NALF1: variants seen among roughly 807,000 people sequenced by gnomAD.
NALF1 encodes the protein family with sequence similarity 155 member A.
Under a neutral mutation model 48.4 loss-of-function variants are expected in NALF1, and 3 were observed. The observed-to-expected ratio is 0.06, with a 90% confidence interval of 0.03 to 0.16. NALF1 has a LOEUF of 0.16. NALF1 is among the 10% of genes least tolerant of loss of function. The pLI, the probability that NALF1 is intolerant of heterozygous loss-of-function variation, is 1.00. For missense variants in NALF1, 526 were observed against 571.5 expected (o/e 0.92, Z 0.81); for synonymous variants, 262 against 245.7 (o/e 1.07, Z -0.62).
intron 1 of NALF1, among the ~76,000 whole-genome samples, chr13:107,475,112 G>A (rs1290205825): frequency 6.6e-6 from 1 of 152,184 alleles, no homozygotes; most frequent in East Asian, 1.9e-4. Context: ...TTTGAGAGAA[G>A]AGGCCAGAAG....
intron 1 of NALF1, among the ~76,000 whole-genome samples, chr13:107,384,061 C>T (rs1012992575): frequency 2.0e-5 from 3 of 152,160 alleles, no homozygotes; most frequent in Middle Eastern, 3.4e-3. Context: ...TCAGCCTGGA[C>T]AACAATGCAA....
At chr13:107,726,086 TTC>T (rs1876141237) in intron 1 of NALF1, among the ~76,000 whole-genome samples, 1 of 152,162 alleles carries the variant, frequency 6.6e-6, no homozygotes. Flanking sequence ...TATGACCTAT[TTC>T]TCTGTCATCT....
At chr13:107,736,025 C>G (rs1876457111) in intron 1 of NALF1, among the ~76,000 whole-genome samples, 1 of 152,026 alleles carries the variant, frequency 6.6e-6, no homozygotes, top group South Asian at 2.1e-4. Context: ...ATATTCCTTG[C>G]TAGACTATAA....
intron 1 of NALF1, among the ~76,000 whole-genome samples, chr13:107,356,619 A>AAAT (rs146105050): frequency 0.19 from 29,642 of 152,032 alleles, 3,107 homozygotes; most frequent in East Asian, 0.41. Flanking sequence ...CATTCTCAAG[A>AAAT]AATGTGATAT....
chr13:107,536,850 C>T (rs946639534), intron 1 of NALF1, among the ~76,000 whole-genome samples: 1 of 152,116 alleles, frequency 6.6e-6, no homozygotes, highest in Non-Finnish European at 1.5e-5. Context: ...CAGTGATAGA[C>T]TGGATTAAGA....
intron 1 of NALF1, among the ~76,000 whole-genome samples, chr13:107,816,756 CTTAAA>C (rs1480693588): frequency 7.9e-5 from 12 of 152,000 alleles, no homozygotes; most frequent in Admixed American, 2.0e-4. Context: ...AAAAAAAAAC[CTTAAA>C]TTAAACGTAC....
At chr13:107,565,372 G>C (rs4772888) in intron 1 of NALF1, among the ~76,000 whole-genome samples, 1 of 114,096 alleles carries the variant, frequency 8.8e-6, no homozygotes, top group Non-Finnish European at 1.8e-5. Flanking sequence ...GTGGCAGAGC[G>C]AGACCTTATC....
intron 1 of NALF1, among the ~76,000 whole-genome samples, chr13:107,613,002 GA>G (rs5806669): frequency 6.8e-4 from 91 of 132,868 alleles, no homozygotes; most frequent in African/African-American, 8.9e-4. Context: ...CCCACAATGA[GA>G]AAAAAAAAAA....
intron 1 of NALF1, among the ~76,000 whole-genome samples, chr13:107,517,780 C>T (rs775292593): frequency 6.6e-6 from 1 of 152,090 alleles, no homozygotes; most frequent in Non-Finnish European, 1.5e-5. Flanking sequence ...TGTGGCGAAA[C>T]CCTATCTCTA....
intron 1 of NALF1, among the ~76,000 whole-genome samples, chr13:107,508,206 A>G (rs1036085738): frequency 9.9e-5 from 15 of 152,088 alleles, no homozygotes; most frequent in African/African-American, 3.1e-4. Context: ...TTTAAAAGCA[A>G]TGTTTCAGCT....
intron 1 of NALF1, among the ~76,000 whole-genome samples, chr13:107,719,377 T>G (rs1875918464): frequency 6.6e-6 from 1 of 152,210 alleles, no homozygotes; most frequent in Non-Finnish European, 1.5e-5. Context: ...ATGTAATCTC[T>G]CTAAAGTCTC....
chr13:107,724,573 C>G lies in NALF1; in HGVS notation c.915+141109G>C, dbSNP rs563295638. Among the ~76,000 whole-genome samples, 8 of 136,538 alleles carry G rather than the reference C, an allele frequency of 5.9e-5. 1 individual carries two copies. Among genetic ancestry groups the G allele is most frequent in the Admixed American group, 3.7e-4 (5 of 13,692 alleles). 89.6% of individuals were successfully genotyped at this position (136,538 alleles called of 152,430 possible). On this transcript the variant is annotated intron_variant, in intron 1 of 2. Transcript: ENST00000375915. ...CTCCCTCCCTTCCTTTTACTTTGCTCGTTTTTGAGACAGGGTCTCACTCTG... is the reference window on the plus strand; with the variant it reads ...CTCCCTCCCTTCCTTTTACTTTGCTGGTTTTTGAGACAGGGTCTCACTCTG...
At chr13:107,854,328 C>T (rs1359750873) in intron 1 of NALF1, among the ~76,000 whole-genome samples, 2 of 152,196 alleles carry the variant, frequency 1.3e-5, no homozygotes, top group Admixed American at 6.5e-5. Context: ...TCTTTTTTCT[C>T]GCTATTTCAC....
rs536106261 is a variant in NALF1, at chr13:107,791,304, T to A, written c.915+74378A>T. Among the ~76,000 whole-genome samples, 96 of 152,246 alleles carry A rather than the reference T, an allele frequency of 6.3e-4. 1 individual carries two copies. The highest frequency in any genetic ancestry group is 2.2e-3 in the African/African-American group (93 of 41,560). On this transcript the variant is annotated intron_variant, in intron 1 of 2. Transcript: ENST00000375915. ...GCAAAATTAAAAGTATCATCTACAGTACAATCCTGATTTTTCAAAAAGACA... is the reference window on the plus strand; with the variant it reads ...GCAAAATTAAAAGTATCATCTACAGAACAATCCTGATTTTTCAAAAAGACA...
At chr13:107,856,954 C>G (rs563563305) in intron 1 of NALF1, among the ~76,000 whole-genome samples, 1 of 152,228 alleles carries the variant, frequency 6.6e-6, no homozygotes, top group Non-Finnish European at 1.5e-5. Flanking sequence ...GAGCAGAGAT[C>G]TTCTTGCCAA....
At chr13:107,551,497 G>A (rs781362318) in intron 1 of NALF1, among the ~76,000 whole-genome samples, 18 of 152,076 alleles carry the variant, frequency 1.2e-4, no homozygotes, top group Non-Finnish European at 2.5e-4. Flanking sequence ...TAAATGTGAA[G>A]GCAATTATAT....
intron 2 of NALF1, among the ~76,000 whole-genome samples, chr13:107,205,491 C>T (rs564673441): frequency 1.3e-5 from 2 of 152,176 alleles, no homozygotes; most frequent in African/African-American, 2.4e-5. Flanking sequence ...CGCGCAGAGT[C>T]GCCACCAGGG....
intron 1 of NALF1, among the ~76,000 whole-genome samples, chr13:107,555,298 G>C (rs1310449190): frequency 6.6e-6 from 1 of 151,858 alleles, no homozygotes; most frequent in East Asian, 1.9e-4. Flanking sequence ...TTGAGACAAA[G>C]TTTCATTCTT....
At chr13:107,208,917 AT>A (rs1566451534) in intron 2 of NALF1, among the ~76,000 whole-genome samples, 1 of 151,998 alleles carries the variant, frequency 6.6e-6, no homozygotes, top group African/African-American at 2.4e-5. Flanking sequence ...GAGGAGCTAC[AT>A]AAAAAATGAC....
Sources: allele counts gnomAD v4.1 joint callset (sites outside exome capture counted in the v4.1 genomes callset), GRCh38; gene constraint gnomAD v4.1.1; transcripts MANE v1.5; gene names NCBI Gene and HGNC (gene_info 2026-07-23, HGNC 2026-07-21).